The following GPR63 variants were observed in gnomAD, a reference collection of about 807,000 sequenced individuals.
GPR63 encodes probable G protein-coupled receptor 63.
Under a neutral mutation model 23.1 loss-of-function variants are expected in GPR63, and 12 were observed. That is an observed-to-expected ratio of 0.52 (90% CI 0.33 to 0.84). The LOEUF (loss-of-function observed/expected upper bound fraction) is 0.84, where lower values mean the gene tolerates loss of function less well. Among genes scored for constraint, GPR63 ranks in the 40% least tolerant of loss-of-function variants. The pLI is 0.02. For missense variants in GPR63, 472 were observed against 515.6 expected, an observed-to-expected ratio of 0.92 and a Z score of 0.82; for synonymous variants, 172 against 191.1, an observed-to-expected ratio of 0.90 and a Z score of 0.82.
rs759085242 is a variant in GPR63, at chr6:96,799,695, C to T, written c.37G>A (p.Gly13Arg). Residue 13 changes from glycine to arginine, a missense_variant, in exon 2 of 2, where the codon GGG becomes AGG. Physicochemically the swap from Gly to Arg is moderately radical, Grantham distance 125. Transcript: ENST00000229955. ...FSAVLTAFHT[G>R]TSNTTFVVYE... ...ACGACAAATGTTGTGTTGGATGTCC[C>T]GGTATGGAACGCAGTCAACACTGCC... 20 of 1,614,080 alleles carry T rather than the reference C, an allele frequency of 1.2e-5. No homozygotes were observed. Among genetic ancestry groups the T allele is most frequent in the Non-Finnish European group, 1.5e-5 (18 of 1,180,018 alleles).
intron 1 of GPR63, among the ~76,000 whole-genome samples, chr6:96,818,141 G>A (rs558673868): frequency 1.3e-5 from 2 of 151,776 alleles, no homozygotes; most frequent in African/African-American, 4.8e-5. Context: ...ATCCCTTATA[G>A]CCAGAGTAAT....
chr6:96,811,241 T>C (rs549360232), intron 1 of GPR63, among the ~76,000 whole-genome samples: 13 of 152,098 alleles, frequency 8.5e-5, no homozygotes, highest in African/African-American at 1.4e-4. Context: ...TATGAAAAAA[T>C]TGCTGTTCTA....
In GPR63 at chr6:96,810,481, C is replaced by T. The variant is rs563879122; in HGVS notation, c.-150-10600G>A. On this transcript the variant is annotated intron_variant, in intron 1 of 1. Coordinates refer to ENST00000229955, the MANE Select transcript of GPR63 (RefSeq NM_030784.4). ...CTGCACTCCAGCGCAGGCGACAGTG[C>T]GAGACTCCGTCCCAGGAAAAAAAAA... Among the ~76,000 whole-genome samples, 121 of 143,704 alleles carry T rather than the reference C, an allele frequency of 8.4e-4. 1 individual carries two copies. Among genetic ancestry groups the T allele is most frequent in the African/African-American group, 2.9e-3 (112 of 38,402 alleles). The allele number at this position is 143,704 out of a possible 152,430, so 94.3% of individuals were successfully genotyped here.
chr6:96,817,969 T>A (rs910222181), intron 1 of GPR63, among the ~76,000 whole-genome samples: 5 of 151,626 alleles, frequency 3.3e-5, no homozygotes, highest in Non-Finnish European at 5.9e-5. Flanking sequence ...ATGAAAAATA[T>A]TAAAACTTTC....
At position 96,798,663 on chromosome 6, in the gene GPR63, G is replaced by T. The variant is rs376641353; in HGVS notation, c.1069C>A (p.Leu357Met). Residue 357 changes from leucine to methionine, a missense_variant, in exon 2 of 2, where the codon CTG (leucine) becomes ATG (methionine). Physicochemically the swap from Leu to Met is conservative, Grantham distance 15 (BLOSUM62 2). Transcript: ENST00000229955. Reference sequence around the variant, plus strand: ...GCAGACTTGAGGTAGCAGAGCCACAGTAGCCAGGTGCTAATCTCAAAAAAG... The same window carrying T: ...GCAGACTTGAGGTAGCAGAGCCACATTAGCCAGGTGCTAATCTCAAAAAAG... The part of the protein sequence containing the change: ...HNFFEISTWL[L>M]WLCYLKSALN... 1.2e-5 allele frequency: 20 copies of T among 1,614,104 alleles called. No individual in the cohort carries two copies. The highest frequency in any genetic ancestry group is 1.7e-5 in the Non-Finnish European group (20 of 1,180,038).
rs373963539 is a variant in GPR63 at position 96,798,381 on chromosome 6, TA to T, written c.*90del. The T allele has an allele frequency of 1.2e-3, 1,610 of 1,303,638 alleles. 7 individuals carry two copies. Among genetic ancestry groups the T allele is most frequent in the African/African-American group, 0.011 (770 of 67,076 alleles). The allele number at this position is 1,303,638 out of a possible 1,614,324, so 80.8% of individuals were successfully genotyped here. ...CACACACATACATACACAAACCCTA[TA>T]AAAAAAAATAAAGTGGAGAGGCTAT... On this transcript the variant is annotated 3_prime_UTR_variant, in exon 2 of 2. Transcript: ENST00000229955.
In GPR63 at chr6:96,798,575, A is replaced by G. The variant is rs769682220; in HGVS notation, c.1157T>C (p.Met386Thr). 6.2e-7 allele frequency: 1 copy of G among 1,614,210 alleles called. No individual in the cohort carries two copies. The highest frequency in any genetic ancestry group is 8.5e-7 in the Non-Finnish European group (1 of 1,180,024). Residue 386 changes from methionine (M) to threonine (T), a missense_variant, in exon 2 of 2, where the codon ATG (methionine) becomes ACG (threonine). Transcript: ENST00000229955. ...KKFHDACLDM[M>T]PKSFKFLPQL... ...CGGCAAAAACTTGAAGGACTTAGGC[A>G]TCATGTCCAGGCAAGCATCATGGAA...
At chr6:96,828,291 C>A (rs1012654789) in intron 1 of GPR63, among the ~76,000 whole-genome samples, 1 of 151,898 alleles carries the variant, frequency 6.6e-6, no homozygotes, top group Non-Finnish European at 1.5e-5. Context: ...GATCTCTGTA[C>A]CTCCACAGAG....
chr6:96,803,138 T>C (rs9480996), intron 1 of GPR63, among the ~76,000 whole-genome samples: 12,208 of 152,198 alleles, frequency 0.08, 840 homozygotes, highest in African/African-American at 0.19. Context: ...AGTGAATGCA[T>C]ATTCAATTTG....
At chr6:96,808,223 C>A (rs1292613682) in intron 1 of GPR63, among the ~76,000 whole-genome samples, 1 of 151,826 alleles carries the variant, frequency 6.6e-6, no homozygotes, top group Non-Finnish European at 1.5e-5. Context: ...GGCTCTATAC[C>A]GTGATTACAG....
At chr6:96,803,203 A>G (rs13194269) in intron 1 of GPR63, among the ~76,000 whole-genome samples, 1,743 of 152,260 alleles carry the variant, frequency 0.011, 35 homozygotes, top group East Asian at 0.084. Flanking sequence ...CCAGGCACAT[A>G]TTGCCCATGC....
intron 1 of GPR63, among the ~76,000 whole-genome samples, chr6:96,809,744 G>C (rs1475528252): frequency 6.6e-6 from 1 of 152,132 alleles, no homozygotes; most frequent in East Asian, 1.9e-4. Context: ...GATGTCGAAA[G>C]TAGAGAAAAA....
rs529554016 is a variant in GPR63, at chr6:96,797,170, A to C, written c.*1302T>G. On this transcript the variant is annotated 3_prime_UTR_variant, in exon 2 of 2. Coordinates refer to ENST00000229955, the MANE Select transcript of GPR63 (RefSeq NM_030784.4). ...TACCTGAGCCTGGGAGGTTGAGGCTACAATGAGCCATGATCACACCACTGC... is the reference window on the plus strand; with the variant it reads ...TACCTGAGCCTGGGAGGTTGAGGCTCCAATGAGCCATGATCACACCACTGC... 71 of 152,252 alleles carry C rather than the reference A, an allele frequency of 4.7e-4. No individual in the cohort carries two copies. Among genetic ancestry groups the C allele is most frequent in the African/African-American group, 1.7e-3 (69 of 41,544 alleles). The allele number at this position is 152,252 out of a possible 1,614,324, so 9.4% of individuals were successfully genotyped here.
chr6:96,819,360 T>A (rs1774241086), intron 1 of GPR63, among the ~76,000 whole-genome samples: 1 of 152,186 alleles, frequency 6.6e-6, no homozygotes, highest in Non-Finnish European at 1.5e-5. Context: ...TGAGTTTATG[T>A]CCTTTGCAGG....
At chr6:96,810,841 A>G (rs1409464409) in intron 1 of GPR63, among the ~76,000 whole-genome samples, 3 of 152,128 alleles carry the variant, frequency 2.0e-5, no homozygotes, top group Non-Finnish European at 4.4e-5. Context: ...AGTTTTGTAT[A>G]ATTTTTTTCC....
At position 96,811,575 on chromosome 6, in the gene GPR63, A is replaced by G. The variant is rs1439684325; in HGVS notation, c.-150-11694T>C. On this transcript the variant is annotated intron_variant, in intron 1 of 1. Transcript: ENST00000229955. ...GCCAACAAGAATTTCACTTGGTCCT[A>G]CCTTCATTCCTATCTTTCCTCTCAT... is the stretch of plus-strand genomic sequence containing the variant. Among the ~76,000 whole-genome samples, 10 of 152,250 alleles carry G rather than the reference A, an allele frequency of 6.6e-5. No individual in the cohort carries two copies. In the East Asian group the frequency reaches 1.7e-3, roughly 26 times the overall value.
chr6:96,808,531 A>G (rs2127948170), intron 1 of GPR63, among the ~76,000 whole-genome samples: 1 of 152,326 alleles, frequency 6.6e-6, no homozygotes, highest in African/African-American at 2.4e-5. Context: ...AATATTTAGT[A>G]AGTAAAAGGA....
intron 1 of GPR63, among the ~76,000 whole-genome samples, chr6:96,808,252 A>G (rs563425703): frequency 6.6e-6 from 1 of 152,322 alleles, no homozygotes; most frequent in Admixed American, 6.5e-5. Context: ...GTCTGCCAAA[A>G]ATATATGACA....
At chr6:96,825,671 A>C (rs753092451) in intron 1 of GPR63, among the ~76,000 whole-genome samples, 25 of 152,152 alleles carry the variant, frequency 1.6e-4, no homozygotes, top group Non-Finnish European at 3.2e-4. Flanking sequence ...TTTAAAACTG[A>C]AAATGTAAAA....
Sources: allele counts gnomAD v4.1 joint callset (sites outside exome capture counted in the v4.1 genomes callset), GRCh38; gene constraint gnomAD v4.1.1; transcripts MANE v1.5; gene names NCBI Gene and HGNC (gene_info 2026-07-23, HGNC 2026-07-21).